The following UNC79 variants were observed in gnomAD, a reference collection of about 807,000 sequenced individuals.
The protein encoded by UNC79 is protein unc-79 homolog.
UNC79 carries 37 observed loss-of-function variants against 283.1 expected under a neutral mutation model. The ratio of observed to expected loss-of-function variants is 0.13; its 90% CI spans 0.10 to 0.17. UNC79 has a LOEUF of 0.17. UNC79 is among the 10% of genes least tolerant of loss of function. The probability of loss-of-function intolerance (pLI) is 1.00; values close to 1 mark genes in which losing one functional copy is unlikely to be tolerated. For synonymous variants in UNC79, 1,107 were observed against 1,200.2 expected (o/e 0.92, Z 1.61); for missense variants, 2,272 against 3,211.1 (o/e 0.71, Z 7.07).
chr14:93,414,862 A>G (rs990054720), intron 1 of UNC79, among the ~76,000 whole-genome samples: 4 of 152,180 alleles, frequency 2.6e-5, no homozygotes, highest in Admixed American at 6.5e-5. Flanking sequence ...ATTTTTGTAC[A>G]TTGATTTTGT....
exon 30 of UNC79, chr14:93,622,743 A>G (rs772194071): frequency 1.2e-6 from 2 of 1,614,070 alleles, no homozygotes; most frequent in African/African-American, 2.7e-5. Context: ...GTTCCCAGGC[A>G]GAGGAAGCAG....
intron 46 of UNC79, among the ~76,000 whole-genome samples, chr14:93,692,653 C>T (rs148490761): frequency 9.8e-4 from 150 of 152,288 alleles, no homozygotes; most frequent in African/African-American, 3.5e-3. Flanking sequence ...CCTATGCTCC[C>T]CAATCTTCAA....
chr14:93,439,266 G>A (rs2056205169), intron 1 of UNC79, among the ~76,000 whole-genome samples: 1 of 151,554 alleles, frequency 6.6e-6, no homozygotes, highest in Non-Finnish European at 1.5e-5. Context: ...CAGAGAGAGT[G>A]GGTGTTCTTG....
chr14:93,512,520 A>T (rs552491829), intron 7 of UNC79, among the ~76,000 whole-genome samples: 1 of 152,284 alleles, frequency 6.6e-6, no homozygotes, highest in East Asian at 1.9e-4. Flanking sequence ...GACTTTAAAA[A>T]AATATTTGGT....
chr14:93,345,709 A>G (rs1027789593), intron 1 of UNC79, among the ~76,000 whole-genome samples: 1 of 152,166 alleles, frequency 6.6e-6, no homozygotes, highest in Non-Finnish European at 1.5e-5. Context: ...AGTGTCCGTC[A>G]ATAAGAATTT....
intron 19 of UNC79, among the ~76,000 whole-genome samples, chr14:93,581,868 A>G (rs975847517): frequency 1.3e-5 from 2 of 152,206 alleles, no homozygotes; most frequent in Non-Finnish European, 2.9e-5. Context: ...TAAAATGTAC[A>G]TGGGTGAGAA....
At chr14:93,657,903 T>C (rs2071128058) in intron 38 of UNC79, among the ~76,000 whole-genome samples, 1 of 152,200 alleles carries the variant, frequency 6.6e-6, no homozygotes. Context: ...TGCCAATTGT[T>C]GTTCTGTGGG....
At chr14:93,513,207 CTTCCTTCCTTCCTTCT>C (rs1483019414) in intron 7 of UNC79, among the ~76,000 whole-genome samples, 4 of 98,038 alleles carry the variant, frequency 4.1e-5, no homozygotes, top group African/African-American at 7.6e-5. Flanking sequence ...TCCTTCTTTC[CTTCCTTCCTTCCTTCT>C]TTCCTTCCTT....
chr14:93,334,079 C>T (rs961636498), intron 1 of UNC79, among the ~76,000 whole-genome samples: 1 of 152,156 alleles, frequency 6.6e-6, no homozygotes, highest in African/African-American at 2.4e-5. Flanking sequence ...TGTTGTTGTT[C>T]TGAAACCACC....
intron 27 of UNC79, 87 bp downstream of exon 28, chr14:93,613,170 C>T (rs1381435263): frequency 6.5e-7 from 1 of 1,542,674 alleles, no homozygotes; most frequent in Non-Finnish European, 8.8e-7. Context: ...AACGTTGGTT[C>T]AGCATAAAGG....
At chr14:93,418,016 A>G (rs953872023) in intron 1 of UNC79, among the ~76,000 whole-genome samples, 1 of 151,226 alleles carries the variant, frequency 6.6e-6, no homozygotes, top group African/African-American at 2.4e-5. Flanking sequence ...CCTTCTCTCA[A>G]CTCGTCAAAG....
At chr14:93,650,040 A>C (rs888881356) in intron 35 of UNC79, among the ~76,000 whole-genome samples, 1 of 152,184 alleles carries the variant, frequency 6.6e-6, no homozygotes, top group African/African-American at 2.4e-5. Flanking sequence ...GATTTTGCCC[A>C]TTCTAGACTT....
chr14:93,401,706 A>AGG (rs756900750), intron 1 of UNC79, among the ~76,000 whole-genome samples: 6 of 152,232 alleles, frequency 3.9e-5, no homozygotes, highest in African/African-American at 7.2e-5. Context: ...AGATAGCTAT[A>AGG]GGTACAGCCT....
In UNC79 at chr14:93,613,164, T is replaced by C. The variant is rs528742865; in HGVS notation, c.4041+81T>C. The stretch of plus-strand genomic sequence containing the variant: ...GGCATTACATACCATGTAGCCAACG[T>C]TGGTTCAGCATAAAGGTTTGTACAA... On this transcript the variant is annotated intron_variant, in intron 27 of 48. Transcript: ENST00000555664. The C allele has an allele frequency of 6.4e-6, 10 of 1,561,432 alleles. No individual in the cohort carries two copies. In the African/African-American group the frequency reaches 9.5e-5, roughly 15 times the overall value.
intron 14 of UNC79, among the ~76,000 whole-genome samples, chr14:93,562,177 C>T (rs2062600364): frequency 6.6e-6 from 1 of 152,124 alleles, no homozygotes; most frequent in African/African-American, 2.4e-5. Flanking sequence ...GAGGATCCTG[C>T]AGGTGGATGG....
rs1352275066 is a variant in UNC79 at position 93,641,259 on chromosome 14, C to T, written c.5903+12C>T. On this transcript the variant is annotated intron_variant, in intron 33 of 48. Coordinates refer to ENST00000555664, the Ensembl canonical transcript of UNC79. ...GTGATGACGGACAAGTAAGCTCGCA[C>T]AGTTATTTTCTTCACCATGTTTACA... 1 of 1,606,204 alleles carries T rather than the reference C, an allele frequency of 6.2e-7. No homozygotes were observed. The highest frequency in any genetic ancestry group is 2.2e-5 in the East Asian group (1 of 44,672).
At chr14:93,644,462 G>A (rs571079335) in intron 34 of UNC79, among the ~76,000 whole-genome samples, 3 of 152,288 alleles carry the variant, frequency 2.0e-5, no homozygotes, top group South Asian at 2.1e-4. Flanking sequence ...GGCTGCAGGC[G>A]TTAGACAGAG....
chr14:93,580,612 C>A (rs2063738571), intron 19 of UNC79, among the ~76,000 whole-genome samples: 2 of 152,174 alleles, frequency 1.3e-5, no homozygotes, highest in African/African-American at 4.8e-5. Context: ...GGTTGTAGCA[C>A]CTCCATTCAT....
intron 14 of UNC79, among the ~76,000 whole-genome samples, chr14:93,562,180 GTGGATGGCAGT>G (rs1049707431): frequency 9.9e-5 from 15 of 152,168 alleles, no homozygotes; most frequent in African/African-American, 3.4e-4. Context: ...GATCCTGCAG[GTGGATGGCAGT>G]TGGGGTACTA....
Sources: allele counts gnomAD v4.1 joint callset (sites outside exome capture counted in the v4.1 genomes callset), GRCh38; gene constraint gnomAD v4.1.1; transcripts MANE v1.5; gene names NCBI Gene and HGNC (gene_info 2026-07-23, HGNC 2026-07-21).